The following HS6ST3 variants were observed in gnomAD, a reference collection of about 807,000 sequenced individuals.
HS6ST3 encodes heparan sulfate 6-O-sulfotransferase 3.
HS6ST3 carries 12 observed loss-of-function variants against 36.7 expected under a neutral mutation model. The ratio of observed to expected loss-of-function variants is 0.33; its 90% CI spans 0.21 to 0.53. HS6ST3 has a LOEUF of 0.53. Ranked by LOEUF, HS6ST3 falls within the 20% of genes least tolerant of loss-of-function variation. HS6ST3 has a pLI of 0.95. For synonymous variants in HS6ST3, 240 were observed against 257.5 expected (o/e 0.93, Z 0.65); for missense variants, 584 against 640.9 (o/e 0.91, Z 0.96).
chr13:96,518,309 G>T (rs146117349), intron 1 of HS6ST3, among the ~76,000 whole-genome samples: 12 of 152,184 alleles, frequency 7.9e-5, no homozygotes, highest in Non-Finnish European at 1.3e-4. Context: ...CTGTGTTAAT[G>T]GGCATGATTG....
intron 1 of HS6ST3, among the ~76,000 whole-genome samples, chr13:96,786,191 C>T (rs571952774): frequency 2.6e-5 from 4 of 152,102 alleles, no homozygotes; most frequent in East Asian, 1.9e-4. Context: ...AACACTCTTT[C>T]GCCAGCCCTT....
chr13:96,657,269 G>A (rs141169370), intron 1 of HS6ST3, among the ~76,000 whole-genome samples: 4 of 151,960 alleles, frequency 2.6e-5, no homozygotes, highest in African/African-American at 4.8e-5. Flanking sequence ...TCACTTTTAC[G>A]ATGCTTTAAG....
intron 1 of HS6ST3, chr13:96,169,627 G>A (rs2139333555): frequency 6.6e-6 from 1 of 152,436 alleles, no homozygotes; most frequent in South Asian, 2.1e-4. Flanking sequence ...GAGCCCAGGA[G>A]TTCTGGGCTG....
chr13:96,154,045 T>C (rs2054099425), intron 1 of HS6ST3, among the ~76,000 whole-genome samples: 1 of 152,208 alleles, frequency 6.6e-6, no homozygotes, highest in South Asian at 2.1e-4. Flanking sequence ...CTCAGAGGTT[T>C]GTTATGAGAA....
intron 1 of HS6ST3, among the ~76,000 whole-genome samples, chr13:96,240,170 C>A (rs1364941885): frequency 6.6e-6 from 1 of 152,138 alleles, no homozygotes; most frequent in East Asian, 1.9e-4. Context: ...TACAGCATTT[C>A]AGGTTCAGTA....
chr13:96,091,330 G>C lies in HS6ST3; in HGVS notation c.468G>C (p.Thr156=). Residue 156 remains threonine, a synonymous_variant, in exon 1 of 2, where the codon ACG becomes ACC. Transcript: ENST00000376705. The stretch of plus-strand genomic sequence containing the variant: ...TCGTGTTCCTCCACATCCAGAAGAC[G>C]GGGGGCACCACTTTCGGCCGGCACC... ...DVIVFLHIQK[T]GGTTFGRHLV... is the part of the protein sequence containing the mutation. 2 of 1,614,022 alleles carry C rather than the reference G, an allele frequency of 1.2e-6. No homozygotes were observed. Among genetic ancestry groups the C allele is most frequent in the South Asian group, 1.1e-5 (1 of 91,058 alleles).
chr13:96,168,254 A>G (rs1004494238), intron 1 of HS6ST3, among the ~76,000 whole-genome samples: 5 of 152,056 alleles, frequency 3.3e-5, no homozygotes, highest in Non-Finnish European at 5.9e-5. Context: ...TTGGTGTCTG[A>G]GCTCCCCGGG....
chr13:96,163,054 G>A (rs1349322606), intron 1 of HS6ST3, among the ~76,000 whole-genome samples: 1 of 151,906 alleles, frequency 6.6e-6, no homozygotes, highest in African/African-American at 2.4e-5. Context: ...AACAAGGGGT[G>A]GAATGATCAT....
At chr13:96,254,518 CACT>C (rs1420168021) in intron 1 of HS6ST3, among the ~76,000 whole-genome samples, 1 of 106,896 alleles carries the variant, frequency 9.4e-6, no homozygotes, top group African/African-American at 3.7e-5. Flanking sequence ...TACACACACA[CACT>C]TTTTTCTTTT....
At chr13:96,495,175 T>A (rs2055968789) in intron 1 of HS6ST3, among the ~76,000 whole-genome samples, 1 of 152,200 alleles carries the variant, frequency 6.6e-6, no homozygotes, top group Admixed American at 6.5e-5. Context: ...TAACACCTAG[T>A]TCTTTTATCA....
intron 1 of HS6ST3, among the ~76,000 whole-genome samples, chr13:96,633,384 G>A (rs1195898090): frequency 6.6e-6 from 1 of 152,128 alleles, no homozygotes; most frequent in Non-Finnish European, 1.5e-5. Flanking sequence ...GATATTTCTT[G>A]AGCACTGATT....
intron 1 of HS6ST3, among the ~76,000 whole-genome samples, chr13:96,798,491 G>A (rs1418354813): frequency 6.6e-6 from 1 of 152,038 alleles, no homozygotes. Context: ...AGAGTCCAGG[G>A]ATTTTAGGAG....
intron 1 of HS6ST3, among the ~76,000 whole-genome samples, chr13:96,606,731 G>T (rs1244067264): frequency 6.6e-6 from 1 of 151,966 alleles, no homozygotes; most frequent in African/African-American, 2.4e-5. Context: ...GTTCCCACAT[G>T]ACAGATCTGC....
chr13:96,776,030 A>G (rs991965058), intron 1 of HS6ST3, among the ~76,000 whole-genome samples: 3 of 152,220 alleles, frequency 2.0e-5, no homozygotes, highest in Non-Finnish European at 4.4e-5. Flanking sequence ...CTCAGGATTA[A>G]GAAATTTACT....
intron 1 of HS6ST3, among the ~76,000 whole-genome samples, chr13:96,755,839 A>G (rs1250046450): frequency 6.6e-6 from 1 of 152,178 alleles, no homozygotes; most frequent in Non-Finnish European, 1.5e-5. Flanking sequence ...TTCATTTCCC[A>G]TTGGCTAATA....
intron 1 of HS6ST3, among the ~76,000 whole-genome samples, chr13:96,399,442 C>G (rs1293076346): frequency 6.6e-6 from 1 of 152,174 alleles, no homozygotes; most frequent in Non-Finnish European, 1.5e-5. Context: ...ACTGTTCACA[C>G]CTCTTTATAC....
intron 1 of HS6ST3, among the ~76,000 whole-genome samples, chr13:96,544,573 G>A (rs972157061): frequency 2.6e-5 from 4 of 152,118 alleles, no homozygotes; most frequent in African/African-American, 7.2e-5. Context: ...TCTGTAAAAT[G>A]TAAATCATTA....
chr13:96,334,822 G>C (rs892769332), intron 1 of HS6ST3, among the ~76,000 whole-genome samples: 4 of 152,290 alleles, frequency 2.6e-5, no homozygotes, highest in Non-Finnish European at 4.4e-5. Context: ...CTTGGGTGGA[G>C]ACACAGCCAA....
At chr13:96,700,304 A>G (rs1346636419) in intron 1 of HS6ST3, among the ~76,000 whole-genome samples, 1 of 152,124 alleles carries the variant, frequency 6.6e-6, no homozygotes, top group Non-Finnish European at 1.5e-5. Context: ...TAAAACTATC[A>G]CATCTCGTGA....
Sources: gnomAD v4.1 joint callset for allele counts (sites outside exome capture counted in the v4.1 genomes callset) on GRCh38, gnomAD v4.1.1 for gene constraint, MANE v1.5 for transcripts, NCBI Gene and HGNC (gene_info 2026-07-23, HGNC 2026-07-21) for gene names.